NCKAP5: variants seen among roughly 807,000 people sequenced by gnomAD.
NCKAP5 encodes nck-associated protein 5.
Under a neutral mutation model 167.0 loss-of-function variants are expected in NCKAP5, and 92 were observed. The ratio of observed to expected loss-of-function variants is 0.55; its 90% confidence interval spans 0.47 to 0.66. The LOEUF is 0.66. NCKAP5 is among the 30% of genes least tolerant of loss of function. The pLI, the probability that NCKAP5 is intolerant of heterozygous loss-of-function variation, is 0.00. For synonymous variants in NCKAP5, 891 were observed against 877.4 expected, an observed-to-expected ratio of 1.02 and a Z score of -0.27; for missense variants, 2,378 against 2,315.0, an observed-to-expected ratio of 1.03 and a Z score of -0.56.
At chr2:132,732,286 C>T (rs971454218) in intron 16 of NCKAP5, among the ~76,000 whole-genome samples, 1 of 117,088 alleles carries the variant, frequency 8.5e-6, no homozygotes, top group African/African-American at 3.5e-5. Flanking sequence ...ACACTGGGGC[C>T]TGTCAAGGGG....
chr2:133,655,471 A>G, the NCKAP5 span, among the ~76,000 whole-genome samples: 2 of 152,152 alleles, frequency 1.3e-5, no homozygotes, highest in East Asian at 3.9e-4. Context: ...TTTCCACCCT[A>G]TGACTGAACA....
At chr2:132,726,411 A>T (rs1411974131) in intron 18 of NCKAP5, among the ~76,000 whole-genome samples, 8 of 152,182 alleles carry the variant, frequency 5.3e-5, no homozygotes. Flanking sequence ...TGTGGCAATG[A>T]TGCTGTATTC....
intron 3 of NCKAP5, among the ~76,000 whole-genome samples, chr2:133,495,106 C>T (rs1681820590): frequency 6.6e-6 from 1 of 152,176 alleles, no homozygotes; most frequent in Non-Finnish European, 1.5e-5. Flanking sequence ...TTTGAATCCA[C>T]CTATGATCTA....
chr2:132,989,012 C>T (rs2077377410), intron 7 of NCKAP5, among the ~76,000 whole-genome samples: 1 of 152,190 alleles, frequency 6.6e-6, no homozygotes, highest in Non-Finnish European at 1.5e-5. Flanking sequence ...TTCCACTTGT[C>T]CATTCACCTT....
chr2:133,177,581 G>C (rs541177091), intron 5 of NCKAP5, among the ~76,000 whole-genome samples: 5 of 152,160 alleles, frequency 3.3e-5, no homozygotes, highest in African/African-American at 1.2e-4. Context: ...CAACTGTTTG[G>C]CTACTTTCAT....
intron 4 of NCKAP5, among the ~76,000 whole-genome samples, chr2:133,264,625 G>A (rs937588752): frequency 2.0e-5 from 3 of 152,182 alleles, no homozygotes; most frequent in Admixed American, 6.5e-5. Flanking sequence ...TAGGCAAAAA[G>A]AAGCTAAGTA....
intron 4 of NCKAP5, among the ~76,000 whole-genome samples, chr2:133,273,198 C>A (rs952428435): frequency 2.0e-5 from 3 of 152,124 alleles, no homozygotes; most frequent in Non-Finnish European, 4.4e-5. Flanking sequence ...GTCTCCACAG[C>A]CTCTCCAACA....
At chr2:133,484,198 T>C (rs1329299831) in intron 3 of NCKAP5, among the ~76,000 whole-genome samples, 1 of 152,184 alleles carries the variant, frequency 6.6e-6, no homozygotes, top group Non-Finnish European at 1.5e-5. Flanking sequence ...AAGACAGGCC[T>C]GAGGGGAAGA....
chr2:133,530,808 C>G (rs1329892777), intron 2 of NCKAP5, among the ~76,000 whole-genome samples: 1 of 152,146 alleles, frequency 6.6e-6, no homozygotes, highest in Non-Finnish European at 1.5e-5. Flanking sequence ...GGCTATCATA[C>G]TGAGAAGAAG....
intron 3 of NCKAP5, among the ~76,000 whole-genome samples, chr2:133,359,333 G>A (rs888152656): frequency 1.1e-4 from 17 of 152,140 alleles, no homozygotes; most frequent in South Asian, 8.3e-4. Context: ...CCCCACATCC[G>A]TCTTACCCTA....
At chr2:133,602,404 C>T in the NCKAP5 span, among the ~76,000 whole-genome samples, 1 of 152,124 alleles carries the variant, frequency 6.6e-6, no homozygotes, top group Non-Finnish European at 1.5e-5. Flanking sequence ...GGAGCTGAGG[C>T]TGTAGACGCT....
chr2:133,539,979 G>A (rs1270267266), intron 2 of NCKAP5, among the ~76,000 whole-genome samples: 1 of 152,154 alleles, frequency 6.6e-6, no homozygotes, highest in Non-Finnish European at 1.5e-5. Flanking sequence ...AGGAGATCGA[G>A]ACCATCCTGG....
intron 11 of NCKAP5, among the ~76,000 whole-genome samples, chr2:132,806,763 C>T (rs1405935052): frequency 6.6e-6 from 1 of 152,098 alleles, no homozygotes; most frequent in Non-Finnish European, 1.5e-5. Flanking sequence ...GTGCAAATTT[C>T]TTTAGTTTAA....
At chr2:132,877,723 T>A (rs1691392025) in intron 9 of NCKAP5, among the ~76,000 whole-genome samples, 1 of 152,204 alleles carries the variant, frequency 6.6e-6, no homozygotes, top group Non-Finnish European at 1.5e-5. Context: ...TGAGCATGTG[T>A]TCCTTATAGA....
intron 3 of NCKAP5, among the ~76,000 whole-genome samples, chr2:133,514,508 T>A (rs1277137061): frequency 6.6e-6 from 1 of 152,228 alleles, no homozygotes; most frequent in African/African-American, 2.4e-5. Context: ...GTAAGGGAGC[T>A]ATAATTTCTA....
At chr2:132,850,305 C>A (rs72991393) in intron 11 of NCKAP5, among the ~76,000 whole-genome samples, 10,980 of 152,090 alleles carry the variant, frequency 0.072, 791 homozygotes, top group African/African-American at 0.17. Flanking sequence ...CATTAAATGT[C>A]TTTTAATTGG....
At chr2:133,317,099 C>A (rs1681662379) in intron 3 of NCKAP5, among the ~76,000 whole-genome samples, 1 of 152,134 alleles carries the variant, frequency 6.6e-6, no homozygotes, top group African/African-American at 2.4e-5. Context: ...CCTTCTCAGA[C>A]CTAGTATTTT....
intron 8 of NCKAP5, among the ~76,000 whole-genome samples, chr2:132,915,900 C>T (rs187002236): frequency 2.0e-4 from 30 of 151,902 alleles, no homozygotes; most frequent in African/African-American, 7.0e-4. Context: ...ATTTATAATA[C>T]GGTAAATTTG....
At chr2:133,246,258 GA>G (rs112684321) in intron 4 of NCKAP5, among the ~76,000 whole-genome samples, 4,350 of 143,910 alleles carry the variant, frequency 0.03, 161 homozygotes, top group African/African-American at 0.091. Flanking sequence ...TATTCTAATG[GA>G]AAAAAAAAAA....
Sources: gnomAD v4.1 joint callset for allele counts (sites outside exome capture counted in the v4.1 genomes callset) on GRCh38, gnomAD v4.1.1 for gene constraint, MANE v1.5 for transcripts, NCBI Gene and HGNC (gene_info 2026-07-23, HGNC 2026-07-21) for gene names.